ZAN: variants seen among roughly 807,000 people sequenced by gnomAD.
ZAN encodes the protein zonadhesin, also known as zonadhesin (gene/pseudogene).
A neutral mutation model predicts 286.2 loss-of-function variants in ZAN; 260 were observed. That is an observed-to-expected ratio of 0.91 (90% CI 0.82 to 1.01). The LOEUF (loss-of-function observed/expected upper bound fraction) is 1.01, where lower values mean the gene tolerates loss of function less well. Among genes scored for constraint, ZAN ranks in the 50% least tolerant of loss-of-function variants. The pLI is 0.00. For missense variants in ZAN, 3,410 were observed against 3,639.2 expected (o/e 0.94, Z 1.62); for synonymous variants, 1,368 against 1,417.5 (o/e 0.97, Z 0.79).
rs1280769539 is a variant in ZAN at position 100,760,813 on chromosome 7, G to A, written c.3842+277G>A. On this transcript the variant is annotated intron_variant, in intron 19 of 47. Coordinates refer to ENST00000613979, the MANE Select transcript of ZAN (RefSeq NM_003386.3). ...GAAGGAGCACTAGTGAGTTCTGGAG[G>A]CTTTCTGAAGGGCAGTCACCTGGTC... Among the ~76,000 whole-genome samples the A allele has an allele frequency of 3.9e-5, 6 of 152,176 alleles. No homozygotes were observed. In the East Asian group the frequency reaches 1.2e-3, roughly 29 times the overall value.
chr7:100,750,099 C>CACACACACACACA, intron 11 of ZAN, among the ~76,000 whole-genome samples: 1 of 147,856 alleles, frequency 6.8e-6, no homozygotes, highest in South Asian at 2.1e-4. Flanking sequence ...CACACACACA[C>CACACACACACACA]GACATTAATG....
At position 100,763,588 on chromosome 7, in the gene ZAN, C is replaced by G. The variant is rs1809738354; in HGVS notation, c.3987-218C>G. Among the ~76,000 whole-genome samples, 1 of 152,020 alleles carries G rather than the reference C, an allele frequency of 6.6e-6. No homozygotes were observed. The highest frequency in any genetic ancestry group is 2.4e-5 in the African/African-American group (1 of 41,382). On this transcript the variant is annotated intron_variant, in intron 20 of 47. Coordinates refer to ENST00000613979, the MANE Select transcript of ZAN (RefSeq NM_003386.3). The surrounding 1 kb of genome is among the most constrained non-coding windows in gnomAD (Gnocchi z 4.6). ...AAGAGATGGGATCTCAGTGTGTTAC[C>G]CAGGCTGGCCTGGAACTCCTGGGCT... is the stretch of plus-strand genomic sequence containing the variant.
At position 100,762,235 on chromosome 7, in the gene ZAN, G is replaced by T. The variant is rs1347857693; in HGVS notation, c.3863G>T (p.Cys1288Phe). The change falls in exon 20 of 48, where the codon TGT (cysteine) becomes TTT (phenylalanine). Residue 1288 changes from cysteine (C) to phenylalanine (F), a missense_variant. Cys to Phe is a radical substitution (Grantham distance 205, BLOSUM62 -2). Coordinates refer to ENST00000613979, the MANE Select transcript of ZAN (RefSeq NM_003386.3). ...TVSSTYSGKL[C>F]GLCGNYDGNS... ...CCTAGCACATACTCTGGCAAACTCT[G>T]TGGTTTGTGTGGGAACTATGACGGC... 1.2e-6 allele frequency: 2 copies of T among 1,613,150 alleles called. No individual in the cohort carries two copies. Among genetic ancestry groups the T allele is most frequent in the Non-Finnish European group, 8.5e-7 (1 of 1,179,586 alleles).
At chr7:100,768,937 A>G (rs1810196904) in intron 27 of ZAN, among the ~76,000 whole-genome samples, 1 of 152,010 alleles carries the variant, frequency 6.6e-6, no homozygotes, top group Non-Finnish European at 1.5e-5. Flanking sequence ...GATTTCTCCC[A>G]TGCTTAGTGA....
chr7:100,779,095 C>T (rs185903012), intron 34 of ZAN, among the ~76,000 whole-genome samples: 10 of 151,546 alleles, frequency 6.6e-5, no homozygotes, highest in African/African-American at 2.2e-4. Context: ...CCCGGCTACT[C>T]GGGAGGCTGA....
In ZAN at chr7:100,758,342, C is replaced by T. The variant is rs770062835; in HGVS notation, c.3450C>T (p.Tyr1150=). The T allele has an allele frequency of 3.4e-5, 55 of 1,611,580 alleles. No homozygotes were observed. The highest frequency in any genetic ancestry group is 1.1e-4 in the South Asian group (10 of 90,944). The change falls in exon 16 of 48, where the codon TAC becomes TAT. Residue 1150 remains tyrosine (Y), a splice_region_variant and synonymous_variant. Transcript: ENST00000613979. ...LKNGQYGCHP[Y]AGTATCLVYG... is the part of the protein sequence containing the mutation. ...ATGGCCAGTATGGATGCCACCCCTA[C>T]GGTGAGAGCCCCTCCCCATGCTGTC...
At position 100,797,711 on chromosome 7, in the gene ZAN, T is replaced by C. The variant is rs1267875128; in HGVS notation, c.8418T>C (p.Thr2806=). 2 of 1,614,030 alleles carry C rather than the reference T, an allele frequency of 1.2e-6. No homozygotes were observed. The highest frequency in any genetic ancestry group is 1.1e-5 in the South Asian group (1 of 91,086). Residue 2806 remains threonine, a synonymous_variant, in exon 48 of 48, where the codon ACT becomes ACC. Coordinates refer to ENST00000613979, the MANE Select transcript of ZAN (RefSeq NM_003386.3). The part of the protein sequence containing the change: ...DRLARLVDTD[T]VLDCAC ...GTTTTCTTGCTTTCTCCTCAGATAC[T>C]GTTCTGGACTGTGCCTGTTAAGTTG...
chr7:100,773,719 A>G lies in ZAN; in HGVS notation c.5635-2A>G, dbSNP rs1343582615. Reference sequence around the variant, plus strand: ...GGCTCAGCTGATCCCTGTGGCCCACAGGTCGGGGAGCGCTGGTACACAGAG... The same window carrying G: ...GGCTCAGCTGATCCCTGTGGCCCACGGGTCGGGGAGCGCTGGTACACAGAG... On this transcript the variant is annotated splice_acceptor_variant, in intron 30 of 47. Transcript: ENST00000613979. LOFTEE classifies it high-confidence loss of function. 6 of 1,607,216 alleles carry G rather than the reference A, an allele frequency of 3.7e-6. No individual in the cohort carries two copies. The highest frequency in any genetic ancestry group is 5.1e-6 in the Non-Finnish European group (6 of 1,176,758).
intron 7 of ZAN, among the ~76,000 whole-genome samples, chr7:100,744,271 C>T (rs1300555916): frequency 2.0e-5 from 3 of 151,148 alleles, no homozygotes; most frequent in Non-Finnish European, 4.4e-5. Context: ...GCACTCCTGT[C>T]TCTGATCTTT....
intron 42 of ZAN, among the ~76,000 whole-genome samples, chr7:100,792,992 AAAAAAG>A (rs913224547): frequency 2.1e-5 from 3 of 142,160 alleles, no homozygotes; most frequent in Non-Finnish European, 3.1e-5. Context: ...CAAAAAAAAA[AAAAAAG>A]AAAGAAAGAA....
intron 16 of ZAN, 66 bp downstream of exon 16, chr7:100,758,409 C>T: frequency 6.3e-7 from 1 of 1,592,684 alleles, no homozygotes; most frequent in South Asian, 1.1e-5. Context: ...CGCCAGGATC[C>T]CAATCCCTCG....
intron 25 of ZAN, among the ~76,000 whole-genome samples, 168 bp downstream of exon 25, chr7:100,767,425 A>G (rs1268926757): frequency 6.7e-6 from 1 of 148,208 alleles, no homozygotes; most frequent in Non-Finnish European, 1.5e-5. Context: ...CCTCTGTGAA[A>G]TACCCACCAG....
chr7:100,754,161 T>TA (rs2115873022), intron 14 of ZAN, among the ~76,000 whole-genome samples: 1 of 151,998 alleles, frequency 6.6e-6, no homozygotes, highest in Admixed American at 6.6e-5. Context: ...TTCATTCCTT[T>TA]AAAAAAAGTA....
intron 7 of ZAN, among the ~76,000 whole-genome samples, chr7:100,738,864 C>CTCTTCTTCTTCTTCT (rs201544312): frequency 3.8e-5 from 3 of 79,278 alleles, no homozygotes; most frequent in Non-Finnish European, 3.1e-5. Context: ...CTTTCTCTTC[C>CTCTTCTTCTTCTTCT]TCTTCTTCTT....
chr7:100,776,173 T>C (rs1281616348), intron 33 of ZAN, among the ~76,000 whole-genome samples: 2 of 150,906 alleles, frequency 1.3e-5, no homozygotes, highest in East Asian at 1.9e-4. Flanking sequence ...AAAAAATTAG[T>C]TGGGGGTGGT....
At position 100,735,305 on chromosome 7, in the gene ZAN, C is replaced by T. The variant is rs1221803731; in HGVS notation, c.54-415C>T. Among the ~76,000 whole-genome samples the T allele has an allele frequency of 7.2e-5, 10 of 139,004 alleles. 3 individuals carry two copies. The highest frequency in any genetic ancestry group is 1.6e-4 in the Non-Finnish European group (10 of 62,262). 91.2% of individuals were successfully genotyped at this position (139,004 alleles called of 152,430 possible). A position where few individuals can be genotyped will look rare whatever the true frequency, so the allele number is the denominator to read the frequency against. ...GAGGGCTGAGCACAGTGGCTCCCAC[C>T]GGTAATCCCAGCACTTTGGGAGGCC... On this transcript the variant is annotated intron_variant, in intron 2 of 47. Transcript: ENST00000613979.
In ZAN at chr7:100,752,199, CT is replaced by C. The variant is rs1318817327; in HGVS notation, c.2095del (p.Ser699ProfsTer302). 1 of 1,611,618 alleles carries C rather than the reference CT, an allele frequency of 6.2e-7. No individual in the cohort carries two copies. On this transcript the variant is annotated frameshift_variant, in exon 14 of 48. Coordinates refer to ENST00000613979, the MANE Select transcript of ZAN (RefSeq NM_003386.3). LOFTEE classifies it high-confidence loss of function. ...GCATCCCCACGGAAAAACCCACCAT[CT>C]CCATGGAAGAGACTATCATCTCCAC... ...PSIPTEKPTI[S>X]MEETIISTEK...
rs897515464 is a variant in ZAN, at chr7:100,763,768, G to C, written c.3987-38G>C. 2 of 1,601,900 alleles carry C rather than the reference G, an allele frequency of 1.2e-6. No homozygotes were observed. The highest frequency in any genetic ancestry group is 2.7e-5 in the African/African-American group (2 of 74,636). ...TGGGTTAGGGATGAGCTGGAAGCGA[G>C]CTTTGTCTTTAGGGAGTTTGGGGTG... On this transcript the variant is annotated intron_variant, in intron 20 of 47. Transcript: ENST00000613979. This position sits in a 1 kb window ranked among gnomAD's most constrained non-coding sequence, Gnocchi z 4.6.
chr7:100,762,075 C>A, intron 19 of ZAN, 140 bp from the exon 20 acceptor site: 1 of 1,000,136 alleles, frequency 1.0e-6, no homozygotes, highest in Non-Finnish European at 1.5e-6. Flanking sequence ...GCCATGGGGT[C>A]CTCTTGTCCA....
Sources: allele counts gnomAD v4.1 joint callset (sites outside exome capture counted in the v4.1 genomes callset), GRCh38; gene constraint gnomAD v4.1.1; non-coding constraint Gnocchi (gnomAD v3.1); transcripts MANE v1.5; gene names NCBI Gene and HGNC (gene_info 2026-07-23, HGNC 2026-07-21).